Variants in SDK1 observed in about 807,000 individuals in gnomAD.
SDK1 encodes the protein protein sidekick-1.
In SDK1, 157 loss-of-function variants were observed where a neutral mutation model predicts 245.5. The observed-to-expected ratio is 0.64, with a 90% CI of 0.56 to 0.73. The LOEUF (loss-of-function observed/expected upper bound fraction) is 0.73. Ranked by LOEUF, SDK1 falls within the 30% of genes least tolerant of loss-of-function variation. The pLI is 0.00. For synonymous variants in SDK1, 1,647 were observed against 1,278.5 expected (o/e 1.29, Z -6.15); for missense variants, 3,583 against 3,002.3 (o/e 1.19, Z -4.52).
chr7:3,491,811 C>T (rs1028311785), intron 1 of SDK1, among the ~76,000 whole-genome samples: 7 of 152,086 alleles, frequency 4.6e-5, no homozygotes, highest in African/African-American at 7.2e-5. Flanking sequence ...CATATGCCAA[C>T]GATTATGTAA....
At chr7:4,088,947 AT>A (rs1781604353) in intron 22 of SDK1, among the ~76,000 whole-genome samples, 6 of 151,186 alleles carry the variant, frequency 4.0e-5, no homozygotes, top group South Asian at 2.1e-4. Context: ...CCTTGTGGGC[AT>A]CTGCACAATG....
chr7:3,915,404 G>A (rs539389098), intron 5 of SDK1, among the ~76,000 whole-genome samples: 54 of 152,320 alleles, frequency 3.5e-4, no homozygotes, highest in African/African-American at 1.2e-3. Context: ...CCGTGGGGAG[G>A]TAATTGAATC....
intron 44 of SDK1, among the ~76,000 whole-genome samples, chr7:4,259,354 G>T (rs539080414): frequency 6.6e-6 from 1 of 152,316 alleles, no homozygotes; most frequent in Admixed American, 6.5e-5. Flanking sequence ...AGAATAGCTT[G>T]AACCCAGGAG....
chr7:3,658,106 A>G (rs1018342587), intron 4 of SDK1, among the ~76,000 whole-genome samples: 1 of 152,190 alleles, frequency 6.6e-6, no homozygotes, highest in African/African-American at 2.4e-5. Flanking sequence ...AGTGCAGGTG[A>G]TAACACCCTG....
chr7:4,162,950 T>C (rs920938339), intron 32 of SDK1, among the ~76,000 whole-genome samples: 15 of 151,646 alleles, frequency 9.9e-5, no homozygotes, highest in African/African-American at 3.4e-4. Context: ...AGCTGAAGAG[T>C]GGGGCGGGGA....
intron 1 of SDK1, among the ~76,000 whole-genome samples, chr7:3,411,735 T>G (rs982784321): frequency 6.6e-6 from 1 of 152,188 alleles, no homozygotes; most frequent in South Asian, 2.1e-4. Flanking sequence ...ATCCTTTGTG[T>G]CTAGTCTCTC....
In SDK1 at chr7:3,660,091, A is replaced by G. The variant is rs144354000; in HGVS notation, c.713+17986A>G. Among the ~76,000 whole-genome samples, 853 of 152,272 alleles carry G rather than the reference A, an allele frequency of 5.6e-3. 11 individuals are homozygous for G. Among genetic ancestry groups the G allele is most frequent in the African/African-American group, 0.019 (802 of 41,556 alleles). ...AAGGAAAGATCAGACCGGAGACAGA[A>G]TATTGGGGACAATTTGTATGTAGGT... On this transcript the variant is annotated intron_variant, in intron 4 of 44. Coordinates refer to ENST00000404826, the MANE Select transcript of SDK1 (RefSeq NM_152744.4).
At chr7:3,586,011 C>G (rs935302088) in intron 1 of SDK1, among the ~76,000 whole-genome samples, 2 of 152,070 alleles carry the variant, frequency 1.3e-5, no homozygotes, top group East Asian at 1.9e-4. Context: ...GGCTGCAGAG[C>G]TGATTGAGTG....
At chr7:3,981,855 C>T (rs995360778) in intron 13 of SDK1, among the ~76,000 whole-genome samples, 4 of 152,224 alleles carry the variant, frequency 2.6e-5, no homozygotes, top group Non-Finnish European at 1.5e-5. Context: ...CAAGATAAAG[C>T]AGCAGGTGCT....
chr7:4,055,993 C>A (rs542253191), intron 19 of SDK1, among the ~76,000 whole-genome samples: 12 of 152,266 alleles, frequency 7.9e-5, no homozygotes, highest in African/African-American at 2.9e-4. Context: ...AGAGAACACA[C>A]TTCATATAAT....
intron 4 of SDK1, among the ~76,000 whole-genome samples, chr7:3,793,723 A>G (rs1583419769): frequency 6.6e-6 from 1 of 151,900 alleles, no homozygotes. Context: ...GTATAAATGC[A>G]GTGTCCACAT....
chr7:3,629,998 A>G (rs1009059642), intron 2 of SDK1, among the ~76,000 whole-genome samples: 3 of 152,276 alleles, frequency 2.0e-5, no homozygotes, highest in Non-Finnish European at 2.9e-5. Context: ...TGTGTGAGAT[A>G]AACATTGGAT....
chr7:3,942,750 C>G (rs1333227493), intron 5 of SDK1, among the ~76,000 whole-genome samples: 1 of 152,182 alleles, frequency 6.6e-6, no homozygotes, highest in Non-Finnish European at 1.5e-5. Flanking sequence ...TGTAGACACA[C>G]TAAAAAGGAA....
chr7:3,731,951 C>T (rs1779191235), intron 4 of SDK1, among the ~76,000 whole-genome samples: 1 of 152,138 alleles, frequency 6.6e-6, no homozygotes. Flanking sequence ...ACCACCACGC[C>T]TAGATAATTT....
chr7:3,669,539 C>T (rs1438776382), intron 4 of SDK1, among the ~76,000 whole-genome samples: 3 of 152,026 alleles, frequency 2.0e-5, no homozygotes, highest in Non-Finnish European at 2.9e-5. Context: ...CAACACACTC[C>T]TGCTCATTTT....
intron 5 of SDK1, among the ~76,000 whole-genome samples, chr7:3,918,249 G>A (rs931383051): frequency 1.5e-4 from 23 of 152,184 alleles, no homozygotes; most frequent in African/African-American, 4.1e-4. Flanking sequence ...TCGGTCCATG[G>A]CCTATTAGGA....
Position 3,817,672 on chromosome 7 carries a change from C to G in SDK1, c.714-3778C>G, listed in dbSNP as rs557973256. On this transcript the variant is annotated intron_variant, in intron 4 of 44. Transcript: ENST00000404826. ...ATAGCAGGGAGCTTCCCAGTCGATG[C>G]CTAGCAAGGTGGCCCTCCCTCCCCC... Among the ~76,000 whole-genome samples the G allele has an allele frequency of 1.1e-4, 16 of 152,298 alleles. No homozygotes were observed. In the South Asian group the frequency reaches 2.1e-3, roughly 20 times the overall value.
chr7:3,619,782 C>T (rs1375963579), intron 2 of SDK1, among the ~76,000 whole-genome samples: 2 of 152,172 alleles, frequency 1.3e-5, no homozygotes, highest in African/African-American at 2.4e-5. Context: ...AGCACTGTGC[C>T]AGTCACCAGG....
intron 1 of SDK1, among the ~76,000 whole-genome samples, chr7:3,332,197 C>A (rs1050784446): frequency 1.3e-5 from 2 of 152,060 alleles, no homozygotes; most frequent in African/African-American, 4.8e-5. Flanking sequence ...CCATGGAAAA[C>A]TTTAAAAAAT....
Sources: gnomAD v4.1 joint callset for allele counts (sites outside exome capture counted in the v4.1 genomes callset) on GRCh38, gnomAD v4.1.1 for gene constraint, MANE v1.5 for transcripts, NCBI Gene and HGNC (gene_info 2026-07-23, HGNC 2026-07-21) for gene names.